The following FAM20C variants were observed in gnomAD, a reference collection of about 807,000 sequenced individuals.
The protein encoded by FAM20C is extracellular serine/threonine protein kinase FAM20C.
A neutral mutation model predicts 51.5 loss-of-function variants in FAM20C; 40 were observed. That is an observed-to-expected ratio of 0.78 (90% CI 0.60 to 1.01). The LOEUF is 1.01. FAM20C is among the 50% of genes least tolerant of loss of function. FAM20C has a pLI of 0.00. For missense variants in FAM20C, 861 were observed against 844.7 expected (o/e 1.02, Z -0.24); for synonymous variants, 406 against 380.6 (o/e 1.07, Z -0.78).
rs1213011789 is a variant in FAM20C, at chr7:193,190, C to G, written c.-10C>G. The G allele has an allele frequency of 6.9e-7, 1 of 1,453,006 alleles. No homozygotes were observed. The highest frequency in any genetic ancestry group is 9.1e-7 in the Non-Finnish European group (1 of 1,097,034). 90.0% of individuals were successfully genotyped at this position (1,453,006 alleles called of 1,614,324 possible). On this transcript the variant is annotated 5_prime_UTR_variant, in exon 1 of 10. Coordinates refer to ENST00000313766, the MANE Select transcript of FAM20C (RefSeq NM_020223.4). ...GAACGCGCTCCAGGCCCGGGCCGGC[C>G]CGCGCGGCCATGAAGATGATGCTGG...
intron 3 of FAM20C, among the ~76,000 whole-genome samples, chr7:218,086 G>C (rs111622847): frequency 2.2e-4 from 33 of 152,314 alleles, no homozygotes; most frequent in Non-Finnish European, 4.4e-4. Context: ...CTGCCTGTGG[G>C]CTGGCTCTCG....
At chr7:204,612 A>G (rs557460763) in intron 2 of FAM20C, among the ~76,000 whole-genome samples, 5 of 152,256 alleles carry the variant, frequency 3.3e-5, no homozygotes, top group East Asian at 1.9e-4. Context: ...GAGCCCCCAC[A>G]CTGCGGCTGT....
chr7:208,102 G>A (rs1038089619), intron 2 of FAM20C, among the ~76,000 whole-genome samples: 2 of 152,194 alleles, frequency 1.3e-5, no homozygotes, highest in Non-Finnish European at 1.5e-5. Context: ...AAACGCGGGC[G>A]GGAGGTGCCA....
At chr7:256,150 G>GCAC in intron 6 of FAM20C, 121 bp downstream of exon 6, 2 of 1,236,076 alleles carry the variant, frequency 1.6e-6, no homozygotes, top group Non-Finnish European at 2.2e-6. Context: ...AGCCTGCTGT[G>GCAC]CGATGCTGGC....
chr7:257,341 G>A (rs1788626197), intron 8 of FAM20C: 5 of 522,666 alleles, frequency 9.6e-6, no homozygotes, highest in South Asian at 4.5e-5. Context: ...GGTGTTACCT[G>A]GGAAACGGAG....
At chr7:257,951 G>C (rs1788674951) in intron 8 of FAM20C, among the ~76,000 whole-genome samples, 1 of 114,564 alleles carries the variant, frequency 8.7e-6, no homozygotes, top group African/African-American at 3.9e-5. Flanking sequence ...GCCCGGGGTG[G>C]ACCCACTGCC....
intron 8 of FAM20C, among the ~76,000 whole-genome samples, chr7:257,894 A>G (rs375416994): frequency 0.069 from 2,069 of 29,864 alleles, 169 homozygotes; most frequent in Middle Eastern, 0.12. Context: ...ACTGCCCAGG[A>G]TGCTGGAGAT....
intron 3 of FAM20C, chr7:228,982 GA>G (rs879644824): frequency 1.8e-4 from 67 of 374,394 alleles, no homozygotes; most frequent in Non-Finnish European, 3.1e-4. Flanking sequence ...GGTGAGTAGC[GA>G]CACCAGGACC....
chr7:205,264 T>C lies in FAM20C; in HGVS notation c.785-3634T>C, dbSNP rs1426525464. Among the ~76,000 whole-genome samples the C allele has an allele frequency of 2.5e-3, 376 of 149,602 alleles. 5 individuals carry two copies. Among genetic ancestry groups the C allele is most frequent in the Middle Eastern group, 0.01 (3 of 286 alleles). ...ACCACAGACACGCACCACCACGACG[T>C]CAGCCTCCCGAGTAGCCGGGACCAC... is the stretch of plus-strand genomic sequence containing the variant. On this transcript the variant is annotated intron_variant, in intron 2 of 9. Transcript: ENST00000313766.
chr7:211,846 G>A (rs2115073489), intron 3 of FAM20C, among the ~76,000 whole-genome samples: 1 of 152,350 alleles, frequency 6.6e-6, no homozygotes, highest in African/African-American at 2.4e-5. Context: ...CAGGGCACGT[G>A]GCGGGCGGAG....
At chr7:193,843 C>T (rs1785717412) in intron 1 of FAM20C, 39 bp downstream of exon 1, 5 of 1,538,370 alleles carry the variant, frequency 3.3e-6, no homozygotes, top group Non-Finnish European at 1.8e-6. Context: ...CCAAGGGAGC[C>T]GTGAGCCCAA....
intron 3 of FAM20C, among the ~76,000 whole-genome samples, chr7:231,499 G>A (rs536998020): frequency 2.0e-4 from 30 of 151,318 alleles, no homozygotes; most frequent in Admixed American, 4.6e-4. Context: ...TCCCGGCGTC[G>A]AGGGCCCCGT....
At position 228,769 on chromosome 7, in the gene FAM20C, G is replaced by A. The variant is rs780612170; in HGVS notation, c.864-17646G>A. On this transcript the variant is annotated intron_variant, in intron 3 of 9. Transcript: ENST00000313766. ...CCAAGAGTGACCTGACTGAACAGAC[G>A]CCACGACTCTCACGGCTCCTGCTGA... is the stretch of plus-strand genomic sequence containing the variant. 9.6e-5 allele frequency: 44 copies of A among 456,074 alleles called. 1 individual carries two copies. The highest frequency in any genetic ancestry group is 8.2e-4 in the African/African-American group (41 of 50,030). The allele number at this position is 456,074 out of a possible 1,614,324, so 28.3% of individuals were successfully genotyped here. A position where few individuals can be genotyped will look rare whatever the true frequency, so the allele number is the denominator to read the frequency against.
chr7:259,557 T>A (rs1788795528), intron 9 of FAM20C, among the ~76,000 whole-genome samples, 174 bp from the exon 10 acceptor site: 1 of 151,364 alleles, frequency 6.6e-6, no homozygotes. Context: ...TCTTTCTCTC[T>A]GTGTCTCTCT....
At chr7:257,807 ACCCACTGCCCGGG>A (rs1788653589) in intron 8 of FAM20C, among the ~76,000 whole-genome samples, 4 of 131,550 alleles carry the variant, frequency 3.0e-5, no homozygotes, top group Admixed American at 7.4e-5. Context: ...GGCTGGGTGG[ACCCACTGCCCGGG>A]GTGCTGGAGA....
At chr7:233,475 A>G (rs995605751) in intron 3 of FAM20C, among the ~76,000 whole-genome samples, 94 of 152,258 alleles carry the variant, frequency 6.2e-4, no homozygotes, top group African/African-American at 2.2e-3. Context: ...TTCAGACAAC[A>G]CAAGCATCCT....
At chr7:252,006 C>T (rs370325848) in intron 5 of FAM20C, among the ~76,000 whole-genome samples, 2 of 152,240 alleles carry the variant, frequency 1.3e-5, no homozygotes, top group Admixed American at 1.3e-4. Flanking sequence ...CTTCCAGAAG[C>T]CTCTGTGAGC....
chr7:218,246 T>C (rs911033670), intron 3 of FAM20C, among the ~76,000 whole-genome samples: 2 of 152,266 alleles, frequency 1.3e-5, no homozygotes, highest in Non-Finnish European at 2.9e-5. Flanking sequence ...GTTCACCACG[T>C]GGCTGTGGGG....
chr7:243,944 A>AATAATTATTATTATT (rs771341264), intron 3 of FAM20C, among the ~76,000 whole-genome samples: 247 of 136,826 alleles, frequency 1.8e-3, no homozygotes, highest in African/African-American at 4.2e-3. Flanking sequence ...TAATAATAAT[A>AATAATTATTATTATT]ATTATTATTA....
Sources: allele counts gnomAD v4.1 joint callset (sites outside exome capture counted in the v4.1 genomes callset), GRCh38; gene constraint gnomAD v4.1.1; transcripts MANE v1.5; gene names NCBI Gene and HGNC (gene_info 2026-07-23, HGNC 2026-07-21).